EPHA6: variants seen among roughly 807,000 people sequenced by gnomAD.
EPHA6 encodes ephrin type-A receptor 6.
Under a neutral mutation model 112.0 loss-of-function variants are expected in EPHA6, and 50 were observed. The ratio of observed to expected loss-of-function variants is 0.45; its 90% CI spans 0.36 to 0.56. The LOEUF (loss-of-function observed/expected upper bound fraction) is 0.56, where lower values mean the gene tolerates loss of function less well. Ranked by LOEUF, EPHA6 falls within the 20% of genes least tolerant of loss-of-function variation. The pLI is 0.00. For synonymous variants in EPHA6, 529 were observed against 490.7 expected (o/e 1.08, Z -1.03); for missense variants, 1,280 against 1,417.4 (o/e 0.90, Z 1.56).
At chr3:97,015,882 A>C (rs1049281592) in intron 3 of EPHA6, among the ~76,000 whole-genome samples, 1 of 152,242 alleles carries the variant, frequency 6.6e-6, no homozygotes, top group African/African-American at 2.4e-5. Flanking sequence ...ATCTCTGGAT[A>C]GTGACTTTTT....
intron 10 of EPHA6, among the ~76,000 whole-genome samples, chr3:97,502,689 C>G (rs1191994112): frequency 6.6e-6 from 1 of 151,322 alleles, no homozygotes; most frequent in Non-Finnish European, 1.5e-5. Flanking sequence ...AAAAAATTAG[C>G]TGGGCATGGT....
chr3:97,229,304 G>A (rs1013856639), intron 4 of EPHA6, among the ~76,000 whole-genome samples: 2 of 152,008 alleles, frequency 1.3e-5, no homozygotes, highest in African/African-American at 2.4e-5. Context: ...AGCCAATGTC[G>A]AGAAGAATTT....
At chr3:97,155,942 C>T (rs569547771) in intron 3 of EPHA6, among the ~76,000 whole-genome samples, 13 of 152,274 alleles carry the variant, frequency 8.5e-5, no homozygotes, top group Admixed American at 5.2e-4. Flanking sequence ...CAGCTCTCTG[C>T]TCATAAGGGC....
chr3:97,627,640 G>C (rs549648632), intron 13 of EPHA6, among the ~76,000 whole-genome samples: 12 of 151,738 alleles, frequency 7.9e-5, no homozygotes, highest in Non-Finnish European at 1.8e-4. Context: ...ATTAGCATGA[G>C]CCTTTTACTC....
intron 2 of EPHA6, among the ~76,000 whole-genome samples, chr3:96,886,830 A>G (rs1400889513): frequency 1.3e-5 from 2 of 151,792 alleles, no homozygotes; most frequent in Non-Finnish European, 2.9e-5. Flanking sequence ...TGTTTTTGGG[A>G]TTTGTTTCAA....
At chr3:97,395,813 G>A (rs2086663615) in intron 5 of EPHA6, among the ~76,000 whole-genome samples, 1 of 151,206 alleles carries the variant, frequency 6.6e-6, no homozygotes. Context: ...AGTAAATGAA[G>A]AAAGAAAAGA....
At chr3:97,363,014 C>G (rs904918868) in intron 5 of EPHA6, among the ~76,000 whole-genome samples, 6 of 149,588 alleles carry the variant, frequency 4.0e-5, no homozygotes, top group Non-Finnish European at 8.9e-5. Context: ...GCAGGTTTTG[C>G]TTTTTCTAGA....
chr3:97,497,710 G>A (rs2092015694), intron 10 of EPHA6, among the ~76,000 whole-genome samples: 1 of 152,014 alleles, frequency 6.6e-6, no homozygotes, highest in Non-Finnish European at 1.5e-5. Flanking sequence ...CAAAAACCTA[G>A]TGTAGGGTTG....
At chr3:97,538,995 C>CTT (rs1490672870) in intron 11 of EPHA6, among the ~76,000 whole-genome samples, 2 of 146,196 alleles carry the variant, frequency 1.4e-5, no homozygotes, top group Admixed American at 6.8e-5. Context: ...TTCTTTCTTT[C>CTT]TTTCTTTCTT....
chr3:97,660,655 A>G (rs933576976), intron 14 of EPHA6, among the ~76,000 whole-genome samples: 5 of 152,142 alleles, frequency 3.3e-5, no homozygotes, highest in African/African-American at 1.2e-4. Flanking sequence ...CTCAGCTGCC[A>G]TAGCCAGAGA....
intron 5 of EPHA6, among the ~76,000 whole-genome samples, chr3:97,283,058 T>A (rs2080342148): frequency 6.6e-6 from 1 of 152,316 alleles, no homozygotes; most frequent in African/African-American, 2.4e-5. Flanking sequence ...AGTAATTATA[T>A]AAACAAAGAA....
intron 2 of EPHA6, among the ~76,000 whole-genome samples, chr3:96,894,967 A>T (rs970834340): frequency 6.6e-6 from 1 of 152,218 alleles, no homozygotes; most frequent in Non-Finnish European, 1.5e-5. Context: ...AATAGAGAAG[A>T]ATGTTCATGG....
At chr3:97,141,698 A>G (rs970061643) in intron 3 of EPHA6, among the ~76,000 whole-genome samples, 3 of 152,046 alleles carry the variant, frequency 2.0e-5, no homozygotes, top group Non-Finnish European at 4.4e-5. Context: ...AGGAAGGTTT[A>G]TAGTGTAAAA....
intron 14 of EPHA6, among the ~76,000 whole-genome samples, chr3:97,699,234 G>A (rs2033223723): frequency 1.3e-5 from 2 of 152,098 alleles, no homozygotes; most frequent in Admixed American, 6.5e-5. Flanking sequence ...GCCCCTCTTG[G>A]TGATAAAGAA....
intron 7 of EPHA6, among the ~76,000 whole-genome samples, chr3:97,470,109 A>T (rs1406211020): frequency 6.6e-6 from 1 of 151,760 alleles, no homozygotes; most frequent in African/African-American, 2.4e-5. Flanking sequence ...TGTCTGCATG[A>T]GAATGTGGTG....
intron 12 of EPHA6, among the ~76,000 whole-genome samples, chr3:97,599,680 T>G (rs1019232682): frequency 1.2e-4 from 18 of 152,116 alleles, no homozygotes; most frequent in Admixed American, 2.0e-4. Flanking sequence ...CCTTGTAGTA[T>G]AGTTTGAAGT....
chr3:97,644,201 C>T (rs1211668633), intron 14 of EPHA6, among the ~76,000 whole-genome samples: 6 of 152,010 alleles, frequency 3.9e-5, no homozygotes, highest in South Asian at 4.2e-4. Context: ...GGATACATAA[C>T]GAAATTAAGG....
At chr3:96,823,002 T>TA (rs911087747) in intron 1 of EPHA6, among the ~76,000 whole-genome samples, 8 of 151,676 alleles carry the variant, frequency 5.3e-5, no homozygotes, top group Admixed American at 2.0e-4. Context: ...TACTAGGAAA[T>TA]AAAAAAGTTT....
chr3:97,732,768 T>C (rs1255295646), intron 15 of EPHA6, among the ~76,000 whole-genome samples: 1 of 152,190 alleles, frequency 6.6e-6, no homozygotes, highest in East Asian at 1.9e-4. Flanking sequence ...GAACATCGCT[T>C]AGAACTGGCC....
Sources: allele counts gnomAD v4.1 joint callset (sites outside exome capture counted in the v4.1 genomes callset), GRCh38; gene constraint gnomAD v4.1.1; transcripts MANE v1.5; gene names NCBI Gene and HGNC (gene_info 2026-07-23, HGNC 2026-07-21).